Variants in NXN observed in about 807,000 individuals in gnomAD.
NXN encodes nucleoredoxin 1.
Under a neutral mutation model 48.6 loss-of-function variants are expected in NXN, and 16 were observed. The observed-to-expected ratio is 0.33, with a 90% CI of 0.22 to 0.50. The LOEUF (loss-of-function observed/expected upper bound fraction) is 0.50, where lower values mean the gene tolerates loss of function less well. Among genes scored for constraint, NXN ranks in the 20% least tolerant of loss-of-function variants. The pLI, the probability that NXN is intolerant of heterozygous loss-of-function variation, is 0.98. For synonymous variants in NXN, 281 were observed against 269.6 expected (o/e 1.04, Z -0.41); for missense variants, 492 against 605.5 (o/e 0.81, Z 1.97).
intron 1 of NXN, among the ~76,000 whole-genome samples, chr17:900,418 T>C (rs2068526587): frequency 6.6e-6 from 1 of 152,216 alleles, no homozygotes; most frequent in Non-Finnish European, 1.5e-5. Flanking sequence ...GCTGACCATC[T>C]GGCTTCAGAG....
intron 1 of NXN, among the ~76,000 whole-genome samples, chr17:852,033 A>C (rs1421672717): frequency 6.6e-6 from 1 of 152,218 alleles, no homozygotes; most frequent in African/African-American, 2.4e-5. Context: ...CGCCAGTCTC[A>C]GGAACGGCCC....
At chr17:974,685 ACT>A (rs1405994694) in intron 1 of NXN, among the ~76,000 whole-genome samples, 2 of 151,786 alleles carry the variant, frequency 1.3e-5, no homozygotes, top group Non-Finnish European at 2.9e-5. Context: ...AGGACAAAAG[ACT>A]CTATATTTTT....
chr17:965,575 G>C (rs1377951977), intron 1 of NXN, among the ~76,000 whole-genome samples: 1 of 152,158 alleles, frequency 6.6e-6, no homozygotes, highest in Non-Finnish European at 1.5e-5. Flanking sequence ...GTTTGGAATC[G>C]GCTGGATTTG....
chr17:818,516 C>G (rs1048809984), intron 5 of NXN, among the ~76,000 whole-genome samples: 2 of 152,168 alleles, frequency 1.3e-5, no homozygotes, highest in African/African-American at 4.8e-5. Context: ...TCTCAAGTCT[C>G]TTTCACAGTA....
chr17:851,796 G>A (rs1597663250), intron 1 of NXN, among the ~76,000 whole-genome samples: 1 of 152,352 alleles, frequency 6.6e-6, no homozygotes, highest in East Asian at 1.9e-4. Context: ...CATAAATAGA[G>A]GCTAAGTGTC....
chr17:964,439 G>A (rs901285965), intron 1 of NXN, among the ~76,000 whole-genome samples: 2 of 152,154 alleles, frequency 1.3e-5, no homozygotes, highest in South Asian at 2.1e-4. Context: ...AATACTTTCC[G>A]CAAATCCAAA....
At chr17:865,722 G>A (rs1403727925) in intron 1 of NXN, among the ~76,000 whole-genome samples, 4 of 151,154 alleles carry the variant, frequency 2.6e-5, no homozygotes, top group Middle Eastern at 3.5e-3. Context: ...AGTGGCTCAC[G>A]CCTGTAATCC....
chr17:878,227 G>A (rs1424228453), intron 1 of NXN: 1 of 151,626 alleles, frequency 6.6e-6, no homozygotes, highest in Non-Finnish European at 1.5e-5. Context: ...GAGAAGAAGC[G>A]GAGGGAATCC....
intron 1 of NXN, among the ~76,000 whole-genome samples, chr17:865,616 A>ATT (rs1480113606): frequency 3.3e-5 from 5 of 152,192 alleles, no homozygotes; most frequent in African/African-American, 1.2e-4. Context: ...TACAGAAGTC[A>ATT]ATAATGTCCA....
At chr17:807,185 C>T (rs1911603098) in intron 5 of NXN, among the ~76,000 whole-genome samples, 1 of 152,220 alleles carries the variant, frequency 6.6e-6, no homozygotes, top group African/African-American at 2.4e-5. Context: ...CCAGGGACCA[C>T]CACAGGGACA....
In NXN at chr17:863,540, C is replaced by T. The variant is rs113496287; in HGVS notation, c.361-37462G>A. Among the ~76,000 whole-genome samples, 14 of 151,852 alleles carry T rather than the reference C, an allele frequency of 9.2e-5. 1 individual carries two copies. Among genetic ancestry groups the T allele is most frequent in the South Asian group, 4.2e-4 (2 of 4,804 alleles). Reference sequence around the variant, plus strand: ...CAGTGGTACAATCACATCTCACTGCCGCCTCAACCTCCCTGGCTCAAGCGA... The same window carrying T: ...CAGTGGTACAATCACATCTCACTGCTGCCTCAACCTCCCTGGCTCAAGCGA... On this transcript the variant is annotated intron_variant, in intron 1 of 7. Transcript: ENST00000336868.
chr17:955,706 C>G (rs1437263764), intron 1 of NXN, among the ~76,000 whole-genome samples: 1 of 150,934 alleles, frequency 6.6e-6, no homozygotes, highest in African/African-American at 2.4e-5. Flanking sequence ...ACCATCCTGG[C>G]TAACACGGTG....
chr17:842,738 G>C (rs1037957983), intron 1 of NXN, among the ~76,000 whole-genome samples: 4 of 152,166 alleles, frequency 2.6e-5, no homozygotes, highest in Non-Finnish European at 5.9e-5. Context: ...AGGAGTTCAA[G>C]ACCAGCCCAG....
intron 5 of NXN, among the ~76,000 whole-genome samples, chr17:806,480 C>T (rs1445341464): frequency 6.6e-6 from 1 of 152,094 alleles, no homozygotes; most frequent in Non-Finnish European, 1.5e-5. Flanking sequence ...TTTTACCCCA[C>T]TCCCCGCAGC....
At chr17:882,719 C>G (rs1049327320) in intron 1 of NXN, among the ~76,000 whole-genome samples, 10 of 151,764 alleles carry the variant, frequency 6.6e-5, no homozygotes, top group African/African-American at 2.4e-4. Context: ...CCTGCCTTGG[C>G]CTCCCAAAGT....
chr17:959,149 G>A (rs956553384), intron 1 of NXN: 35 of 552,584 alleles, frequency 6.3e-5, no homozygotes, highest in East Asian at 7.5e-5. Context: ...AGAGCCGAGC[G>A]CCCCTACGGA....
chr17:809,591 C>T (rs1321599725), intron 5 of NXN, among the ~76,000 whole-genome samples: 1 of 152,134 alleles, frequency 6.6e-6, no homozygotes, highest in Non-Finnish European at 1.5e-5. Flanking sequence ...TGATCTGAGG[C>T]AGCCAGGAGG....
At chr17:946,195 GCGCGATCCC>G (rs2069041489) in intron 1 of NXN, among the ~76,000 whole-genome samples, 2 of 150,176 alleles carry the variant, frequency 1.3e-5, no homozygotes, top group African/African-American at 2.4e-5. Flanking sequence ...GAGGGCAGTG[GCGCGATCCC>G]TGCTCACTGC....
At chr17:969,571 G>A (rs550038445) in intron 1 of NXN, among the ~76,000 whole-genome samples, 39 of 152,254 alleles carry the variant, frequency 2.6e-4, no homozygotes, top group African/African-American at 8.4e-4. Context: ...CCTATTGCAC[G>A]TGGTCCCGCC....
Sources: allele counts gnomAD v4.1 joint callset (sites outside exome capture counted in the v4.1 genomes callset), GRCh38; gene constraint gnomAD v4.1.1; transcripts MANE v1.5; gene names NCBI Gene and HGNC (gene_info 2026-07-23, HGNC 2026-07-21).